TCF12: variants seen among roughly 807,000 people sequenced by gnomAD.
TCF12 encodes the protein DNA-binding protein HTF4.
In TCF12, 45 loss-of-function variants were observed where a neutral mutation model predicts 86.0. The observed-to-expected ratio is 0.52, with a 90% CI of 0.41 to 0.67. The LOEUF (loss-of-function observed/expected upper bound fraction) is 0.67. Among genes scored for constraint, TCF12 ranks in the 30% least tolerant of loss-of-function variants. TCF12 has a pLI of 0.00. For missense variants in TCF12, 881 were observed against 859.9 expected (o/e 1.02, Z -0.31); for synonymous variants, 330 against 299.6 (o/e 1.10, Z -1.05).
intron 4 of TCF12, among the ~76,000 whole-genome samples, chr15:57,078,855 C>T (rs1379287731): frequency 1.3e-5 from 2 of 152,122 alleles, no homozygotes; most frequent in Non-Finnish European, 1.5e-5. Context: ...CTGATGAAAA[C>T]CATCGTATTT....
At chr15:56,926,571 A>G (rs543978833) in intron 3 of TCF12, among the ~76,000 whole-genome samples, 3 of 152,328 alleles carry the variant, frequency 2.0e-5, no homozygotes, top group South Asian at 2.1e-4. Context: ...GAGGAATAGC[A>G]TGAGGAGAGA....
intron 3 of TCF12, among the ~76,000 whole-genome samples, chr15:57,061,928 C>T (rs1382503777): frequency 6.6e-6 from 1 of 151,712 alleles, no homozygotes; most frequent in Admixed American, 6.6e-5. Flanking sequence ...TCACTGGTGT[C>T]TAATGATACT....
At chr15:57,036,446 C>A (rs978321838) in intron 3 of TCF12, among the ~76,000 whole-genome samples, 4 of 152,126 alleles carry the variant, frequency 2.6e-5, no homozygotes, top group Non-Finnish European at 5.9e-5. Context: ...TCCAGAGTAG[C>A]TGCACCATTT....
At chr15:57,218,118 A>G (rs1347465443) in intron 8 of TCF12, among the ~76,000 whole-genome samples, 1 of 152,122 alleles carries the variant, frequency 6.6e-6, no homozygotes, top group African/African-American at 2.4e-5. Context: ...TGTTAGTAAA[A>G]ATGAGGTTGG....
chr15:56,975,456 T>C (rs140679520), intron 3 of TCF12, among the ~76,000 whole-genome samples: 41 of 152,320 alleles, frequency 2.7e-4, no homozygotes, highest in Non-Finnish European at 4.7e-4. Flanking sequence ...CTTTTAATGA[T>C]TGTTAATAAC....
At chr15:57,044,858 G>A (rs2067127698) in intron 3 of TCF12, among the ~76,000 whole-genome samples, 1 of 152,166 alleles carries the variant, frequency 6.6e-6, no homozygotes, top group Non-Finnish European at 1.5e-5. Context: ...CATTTTGGGA[G>A]AAAACCTCTG....
intron 4 of TCF12, among the ~76,000 whole-genome samples, chr15:57,075,835 T>TCTTTTCTTTCTTTCTTTC (rs778545170): frequency 4.4e-4 from 22 of 50,010 alleles, no homozygotes; most frequent in Middle Eastern, 0.01. Flanking sequence ...TCTCTCTCTC[T>TCTTTTCTTTCTTTCTTTC]TTTCTTTCTT....
At chr15:57,038,584 T>C (rs1395702582) in intron 3 of TCF12, among the ~76,000 whole-genome samples, 3 of 152,218 alleles carry the variant, frequency 2.0e-5, no homozygotes, top group African/African-American at 7.2e-5. Flanking sequence ...AAATACGCTT[T>C]TCATACCTTC....
At position 57,037,692 on chromosome 15, in the gene TCF12, T is replaced by C. The variant is rs113604237; in HGVS notation, c.149-26058T>C. Among the ~76,000 whole-genome samples, 20 of 152,352 alleles carry C rather than the reference T, an allele frequency of 1.3e-4. 4 individuals carry two copies. The highest frequency in any genetic ancestry group is 4.8e-4 in the African/African-American group (20 of 41,584). ...TGTAACAAGTACCCTTGCTTTTTAA[T>C]GGACAAATTAACTGAAGGGTAGTAT... is the stretch of plus-strand genomic sequence containing the variant. On this transcript the variant is annotated intron_variant, in intron 3 of 20. Transcript: ENST00000333725.
At chr15:57,162,914 G>A (rs1029428888) in intron 5 of TCF12, among the ~76,000 whole-genome samples, 4 of 151,896 alleles carry the variant, frequency 2.6e-5, no homozygotes, top group African/African-American at 4.8e-5. Flanking sequence ...GGTGGCTCAC[G>A]CCTGTAATCC....
chr15:57,180,228 C>T, intron 6 of TCF12, among the ~76,000 whole-genome samples: 1 of 152,044 alleles, frequency 6.6e-6, no homozygotes, highest in Non-Finnish European at 1.5e-5. Flanking sequence ...CTGAGTTGCC[C>T]TCACCCTTCG....
At chr15:57,014,496 C>T (rs1403593341) in intron 3 of TCF12, among the ~76,000 whole-genome samples, 1 of 152,142 alleles carries the variant, frequency 6.6e-6, no homozygotes, top group African/African-American at 2.4e-5. Context: ...TTGAATGTGG[C>T]CTATCCCCAG....
chr15:57,162,943 AGGTG>A (rs2054600270), intron 5 of TCF12, among the ~76,000 whole-genome samples: 1 of 152,128 alleles, frequency 6.6e-6, no homozygotes, highest in Non-Finnish European at 1.5e-5. Flanking sequence ...TGAGAGGCCG[AGGTG>A]GGCAGATCAC....
At chr15:57,042,008 A>G (rs539808202) in intron 3 of TCF12, among the ~76,000 whole-genome samples, 82 of 152,302 alleles carry the variant, frequency 5.4e-4, no homozygotes, top group African/African-American at 1.9e-3. Flanking sequence ...CTTTCTTGGT[A>G]TGTTGGCAAC....
chr15:56,979,089 T>C (rs2140861099), intron 3 of TCF12, among the ~76,000 whole-genome samples: 1 of 152,336 alleles, frequency 6.6e-6, no homozygotes, highest in South Asian at 2.1e-4. Context: ...GCCGACATTT[T>C]GCTTAGGTCA....
At chr15:57,028,209 CT>C (rs1555483796) in intron 3 of TCF12, among the ~76,000 whole-genome samples, 1 of 152,194 alleles carries the variant, frequency 6.6e-6, no homozygotes, top group Non-Finnish European at 1.5e-5. Flanking sequence ...CTCAGGTGAT[CT>C]GCCCGCTTTG....
chr15:57,211,843 A>G (rs1360245838), intron 8 of TCF12, among the ~76,000 whole-genome samples: 1 of 152,002 alleles, frequency 6.6e-6, no homozygotes, highest in Admixed American at 6.6e-5. Flanking sequence ...AATCCCAGCT[A>G]CTCTGGAGGC....
intron 4 of TCF12, among the ~76,000 whole-genome samples, chr15:57,075,804 T>TTCTTTCTTTCTC (rs1461514777): frequency 1.3e-3 from 36 of 28,602 alleles, no homozygotes; most frequent in Admixed American, 1.9e-3. Context: ...CTTTCTTTCT[T>TTCTTTCTTTCTC]TCTCTCTCTC....
intron 3 of TCF12, among the ~76,000 whole-genome samples, chr15:56,999,823 A>C (rs2063918191): frequency 6.6e-6 from 1 of 151,966 alleles, no homozygotes; most frequent in Non-Finnish European, 1.5e-5. Context: ...GCACTGAGAC[A>C]AGATGGAGCC....
Sources: gnomAD v4.1 joint callset for allele counts (sites outside exome capture counted in the v4.1 genomes callset) on GRCh38, gnomAD v4.1.1 for gene constraint, MANE v1.5 for transcripts, NCBI Gene and HGNC (gene_info 2026-07-23, HGNC 2026-07-21) for gene names.